PUS7: variants seen among roughly 807,000 people sequenced by gnomAD.
The protein encoded by PUS7 is pseudouridine synthase 7.
PUS7 carries 48 observed loss-of-function variants against 79.8 expected under a neutral mutation model. The observed-to-expected ratio is 0.60, with a 90% CI of 0.48 to 0.76. The LOEUF (loss-of-function observed/expected upper bound fraction) is 0.76. Ranked by LOEUF, PUS7 falls within the 30% of genes least tolerant of loss-of-function variation. The pLI, the probability that PUS7 is intolerant of heterozygous loss-of-function variation, is 0.00. For missense variants in PUS7, 729 were observed against 797.6 expected (o/e 0.91, Z 1.04); for synonymous variants, 286 against 272.2 (o/e 1.05, Z -0.50).
intron 6 of PUS7, among the ~76,000 whole-genome samples, chr7:105,494,403 T>TA (rs1491172572): frequency 3.1e-5 from 2 of 63,906 alleles, no homozygotes; most frequent in Non-Finnish European, 7.5e-5. Context: ...TGATCAGTGA[T>TA]TTTTTTTTTT....
chr7:105,514,006 G>A (rs1198401318), intron 1 of PUS7, among the ~76,000 whole-genome samples: 2 of 132,976 alleles, frequency 1.5e-5, no homozygotes, highest in East Asian at 4.5e-4. Context: ...AAGGCAGGCC[G>A]GATCACGAAG....
chr7:105,520,559 T>TAAATAAAA lies in PUS7; in HGVS notation c.-33+1492_-33+1493insTTTTATTT, dbSNP rs1388797793. Among the ~76,000 whole-genome samples, 115 of 83,382 alleles carry TAAATAAAA rather than the reference T, an allele frequency of 1.4e-3. 1 individual carries two copies. Among genetic ancestry groups the TAAATAAAA allele is most frequent in the African/African-American group, 3.9e-3 (105 of 27,072 alleles). 54.7% of individuals were successfully genotyped at this position (83,382 alleles called of 152,430 possible). A position where few individuals can be genotyped will look rare whatever the true frequency, so the allele number is the denominator to read the frequency against. The stretch of plus-strand genomic sequence containing the variant: ...ATAAATAAATAAATAAATAAATAAA[T>TAAATAAAA]AAAAATACAAAAATTAGCTGGGCAT... On this transcript the variant is annotated intron_variant, in intron 1 of 15. Coordinates refer to ENST00000469408, the MANE Select transcript of PUS7 (RefSeq NM_019042.5).
At chr7:105,492,281 C>T (rs1022382103) in intron 6 of PUS7, among the ~76,000 whole-genome samples, 3 of 151,440 alleles carry the variant, frequency 2.0e-5, no homozygotes, top group African/African-American at 4.9e-5. Flanking sequence ...GTAAGACCTG[C>T]TCTCTTTAAA....
intron 13 of PUS7, 70 bp from the exon 14 acceptor site, chr7:105,462,820 A>G: frequency 1.4e-6 from 2 of 1,431,086 alleles, no homozygotes; most frequent in African/African-American, 2.8e-5. Flanking sequence ...TAGATTATAA[A>G]GAGAGTAACA....
chr7:105,466,011 A>G (rs916176840), intron 12 of PUS7, among the ~76,000 whole-genome samples: 1 of 151,912 alleles, frequency 6.6e-6, no homozygotes, highest in Admixed American at 6.5e-5. Flanking sequence ...TATAAAAATT[A>G]GCTGGGTGTG....
In PUS7 at chr7:105,502,458, A is replaced by G; in HGVS notation, c.692T>C (p.Ile231Thr). ...KTEDREGKKY[I>T]VAYHAAGKKA... ...TTTCCCAGCTGCGTGGTAGGCTACA[A>G]TGTATTTCTTCCCCTCCCTATCCTC... Residue 231 changes from isoleucine (I) to threonine (T), a missense_variant, in exon 5 of 16, where the codon ATT becomes ACT. Ile to Thr is a moderately conservative substitution (Grantham distance 89). Transcript: ENST00000469408. 6.2e-7 allele frequency: 1 copy of G among 1,614,162 alleles called. No individual in the cohort carries two copies. Among genetic ancestry groups the G allele is most frequent in the South Asian group, 1.1e-5 (1 of 91,084 alleles).
intron 8 of PUS7, among the ~76,000 whole-genome samples, chr7:105,481,426 T>C (rs1263724113): frequency 6.6e-6 from 1 of 152,190 alleles, no homozygotes; most frequent in African/African-American, 2.4e-5. Context: ...GGTTGCAATT[T>C]TTTGAATTTT....
chr7:105,476,524 A>C (rs1824118662), intron 9 of PUS7, among the ~76,000 whole-genome samples: 1 of 151,920 alleles, frequency 6.6e-6, no homozygotes, highest in Admixed American at 6.6e-5. Context: ...CGCCCGGCTA[A>C]TTTTTGTATT....
chr7:105,492,472 GCAC>G (rs1401330609), intron 6 of PUS7, among the ~76,000 whole-genome samples: 1 of 145,800 alleles, frequency 6.9e-6, no homozygotes, highest in Non-Finnish European at 1.5e-5. Context: ...TTACAGGCAT[GCAC>G]CACCACATCT....
chr7:105,465,774 G>A (rs1342076296), intron 12 of PUS7, among the ~76,000 whole-genome samples: 17 of 151,974 alleles, frequency 1.1e-4, no homozygotes, highest in Admixed American at 6.6e-4. Context: ...CGGAGGTTGC[G>A]GTGAGCTGAG....
intron 1 of PUS7, among the ~76,000 whole-genome samples, chr7:105,516,373 G>A (rs539856803): frequency 3.9e-5 from 6 of 152,226 alleles, no homozygotes; most frequent in Admixed American, 3.9e-4. Context: ...CAGAGCTCTG[G>A]ACTAGGAAAG....
intron 1 of PUS7, among the ~76,000 whole-genome samples, chr7:105,511,717 C>T (rs1023132777): frequency 1.1e-4 from 16 of 152,068 alleles, no homozygotes; most frequent in African/African-American, 3.6e-4. Context: ...GTCAAGATGA[C>T]GCCACTGCGC....
At chr7:105,486,407 T>C (rs1434727800) in intron 7 of PUS7, among the ~76,000 whole-genome samples, 1 of 152,166 alleles carries the variant, frequency 6.6e-6, no homozygotes, top group Admixed American at 6.6e-5. Flanking sequence ...TCTTCCTTTT[T>C]TAGAGACAAG....
intron 1 of PUS7, among the ~76,000 whole-genome samples, chr7:105,518,196 C>G (rs531868802): frequency 6.6e-6 from 1 of 151,436 alleles, no homozygotes; most frequent in Non-Finnish European, 1.5e-5. Context: ...ACCTGTAGTC[C>G]CAGCTACTTG....
At chr7:105,479,946 G>A (rs533484513) in intron 9 of PUS7, among the ~76,000 whole-genome samples, 2 of 151,280 alleles carry the variant, frequency 1.3e-5, no homozygotes, top group Non-Finnish European at 1.5e-5. Context: ...TGCAGTGAGC[G>A]GAGATGGCAC....
Position 105,464,241 on chromosome 7 carries a change from T to C in PUS7, c.1627+1072A>G, listed in dbSNP as rs553476649. ...ATGATAGTTGATTTTGGGTGTCAACTTGACTGGGGTAAGGGAGACCCCAAC... is the reference window on the plus strand; with the variant it reads ...ATGATAGTTGATTTTGGGTGTCAACCTGACTGGGGTAAGGGAGACCCCAAC... On this transcript the variant is annotated intron_variant, in intron 13 of 15. Transcript: ENST00000469408. Among the ~76,000 whole-genome samples the C allele has an allele frequency of 6.1e-3, 310 of 51,144 alleles. 1 individual carries two copies. The highest frequency in any genetic ancestry group is 0.016 in the Non-Finnish European group (198 of 12,360). The allele number at this position is 51,144 out of a possible 152,430, so 33.6% of individuals were successfully genotyped here.
At position 105,467,552 on chromosome 7, in the gene PUS7, T is replaced by A. The variant is rs371628102; in HGVS notation, c.1525+785A>T. ...GATCTGCCCGCCTTGGCTCCCAAAG[T>A]GCTGGGATTACAGGTGTGAGCCACT... is the stretch of plus-strand genomic sequence containing the variant. On this transcript the variant is annotated intron_variant, in intron 12 of 15. Coordinates refer to ENST00000469408, the MANE Select transcript of PUS7 (RefSeq NM_019042.5). 3.3e-5 allele frequency among the ~76,000 whole-genome samples: 5 copies of A among 151,960 alleles called. No homozygotes were observed. In the East Asian group the frequency reaches 7.9e-4, roughly 24 times the overall value.
Position 105,508,096 on chromosome 7 carries a change from A to C in PUS7, c.398+19T>G. ...AACCTAATACAATCAAAATAACTTTATTCATAAACTAAATGTACCTTTCTT... is the reference window on the plus strand; with the variant it reads ...AACCTAATACAATCAAAATAACTTTCTTCATAAACTAAATGTACCTTTCTT... On this transcript the variant is annotated intron_variant, in intron 2 of 15. Coordinates refer to ENST00000469408, the MANE Select transcript of PUS7 (RefSeq NM_019042.5). 1.3e-6 allele frequency: 2 copies of C among 1,590,836 alleles called. No individual in the cohort carries two copies. The highest frequency in any genetic ancestry group is 1.1e-5 in the South Asian group (1 of 87,346).
intron 6 of PUS7, among the ~76,000 whole-genome samples, chr7:105,492,550 G>C (rs982591448): frequency 1.4e-5 from 2 of 138,092 alleles, no homozygotes; most frequent in African/African-American, 5.6e-5. Context: ...CTGTCGCCCA[G>C]GCTGGAGTGC....
Sources: gnomAD v4.1 joint callset for allele counts (sites outside exome capture counted in the v4.1 genomes callset) on GRCh38, gnomAD v4.1.1 for gene constraint, MANE v1.5 for transcripts, NCBI Gene and HGNC (gene_info 2026-07-23, HGNC 2026-07-21) for gene names.